Variants in PRMT3 observed in about 807,000 individuals in gnomAD.
PRMT3 encodes protein arginine methyltransferase 3, also known as protein arginine N-methyltransferase 3.
Under a neutral mutation model 71.9 loss-of-function variants are expected in PRMT3, and 62 were observed. The ratio of observed to expected loss-of-function variants is 0.86; its 90% CI spans 0.70 to 1.07. The LOEUF (loss-of-function observed/expected upper bound fraction) is 1.07, where lower values mean the gene tolerates loss of function less well. Ranked by LOEUF, PRMT3 falls within the 50% of genes least tolerant of loss-of-function variation. PRMT3 has a pLI of 0.00. For missense variants in PRMT3, 663 were observed against 643.0 expected (o/e 1.03, Z -0.34); for synonymous variants, 213 against 220.4 (o/e 0.97, Z 0.30).
At chr11:20,505,010 G>A (rs1475737178) in intron 15 of PRMT3, among the ~76,000 whole-genome samples, 1 of 152,234 alleles carries the variant, frequency 6.6e-6, no homozygotes, top group Non-Finnish European at 1.5e-5. Context: ...TGGTATTACA[G>A]GCATGAGCCA....
intron 13 of PRMT3, among the ~76,000 whole-genome samples, chr11:20,480,017 G>A (rs927736553): frequency 6.6e-6 from 1 of 152,122 alleles, no homozygotes; most frequent in Non-Finnish European, 1.5e-5. Context: ...TGAATTTCAT[G>A]AACAGTTGAT....
At chr11:20,470,998 CT>C (rs1236238540) in intron 13 of PRMT3, among the ~76,000 whole-genome samples, 1 of 151,948 alleles carries the variant, frequency 6.6e-6, no homozygotes, top group Non-Finnish European at 1.5e-5. Context: ...TAATGTTGAG[CT>C]TTTTTTCCAT....
intron 13 of PRMT3, among the ~76,000 whole-genome samples, chr11:20,480,619 C>G (rs1850908382): frequency 2.0e-5 from 3 of 152,160 alleles, no homozygotes; most frequent in South Asian, 4.1e-4. Flanking sequence ...GAGGAGACCA[C>G]CAGAGTGGAT....
At chr11:20,482,165 C>A (rs1025617523) in intron 13 of PRMT3, among the ~76,000 whole-genome samples, 1 of 151,932 alleles carries the variant, frequency 6.6e-6, no homozygotes, top group African/African-American at 2.4e-5. Context: ...GAAAGCCATG[C>A]TGAAAAATAA....
chr11:20,403,421 A>C (rs911934691), intron 8 of PRMT3, among the ~76,000 whole-genome samples: 4 of 152,164 alleles, frequency 2.6e-5, no homozygotes, highest in African/African-American at 9.7e-5. Context: ...ATGGTAGTAT[A>C]GTATTTAGTT....
At chr11:20,417,214 A>T (rs1302215159) in intron 9 of PRMT3, among the ~76,000 whole-genome samples, 1 of 152,170 alleles carries the variant, frequency 6.6e-6, no homozygotes, top group East Asian at 1.9e-4. Flanking sequence ...CAAAATCTCC[A>T]TGCATTTATC....
At chr11:20,456,978 A>G (rs1014580161) in intron 11 of PRMT3, among the ~76,000 whole-genome samples, 4 of 151,958 alleles carry the variant, frequency 2.6e-5, no homozygotes, top group Admixed American at 2.0e-4. Flanking sequence ...GGTGTAAGCA[A>G]TTCTCCTGCC....
chr11:20,404,294 C>A (rs529303113), intron 8 of PRMT3, among the ~76,000 whole-genome samples: 1 of 131,698 alleles, frequency 7.6e-6, no homozygotes, highest in Non-Finnish European at 1.5e-5. Flanking sequence ...AGTGCACTGG[C>A]GCGATCTCCG....
chr11:20,420,182 A>G (rs917308812), intron 9 of PRMT3, among the ~76,000 whole-genome samples: 33 of 152,180 alleles, frequency 2.2e-4, no homozygotes, highest in Non-Finnish European at 4.9e-4. Context: ...AAAAAAAGAA[A>G]AGGAAAACTG....
intron 15 of PRMT3, among the ~76,000 whole-genome samples, chr11:20,495,716 T>G (rs1365881900): frequency 6.6e-6 from 1 of 152,168 alleles, no homozygotes; most frequent in Admixed American, 6.5e-5. Flanking sequence ...AGTTAGAATT[T>G]GATTATGGAA....
At chr11:20,446,415 A>G (rs1315741012) in intron 10 of PRMT3, among the ~76,000 whole-genome samples, 2 of 151,336 alleles carry the variant, frequency 1.3e-5, no homozygotes, top group Non-Finnish European at 2.9e-5. Context: ...AAACGTGTAT[A>G]TGTGTGTGGC....
intron 10 of PRMT3, among the ~76,000 whole-genome samples, chr11:20,436,703 T>G (rs972655682): frequency 2.0e-5 from 3 of 152,094 alleles, no homozygotes; most frequent in African/African-American, 7.2e-5. Flanking sequence ...TAAGGACTTT[T>G]ACATCTGTGT....
At chr11:20,389,850 C>T in intron 3 of PRMT3, 24 bp downstream of exon 3, 1 of 1,569,738 alleles carries the variant, frequency 6.4e-7, no homozygotes, top group Admixed American at 1.7e-5. Context: ...AGAATAAAGG[C>T]AATTTAATTT....
chr11:20,498,289 G>A (rs570863937), intron 15 of PRMT3, among the ~76,000 whole-genome samples: 5 of 152,274 alleles, frequency 3.3e-5, no homozygotes, highest in East Asian at 3.9e-4. Context: ...GCTACACATC[G>A]AAGAAACTCA....
At chr11:20,426,965 A>G in intron 10 of PRMT3, 100 bp downstream of exon 10, 1 of 1,400,948 alleles carries the variant, frequency 7.1e-7, no homozygotes, top group Non-Finnish European at 9.3e-7. Context: ...ACATGGCAGA[A>G]TGGTGACATT....
chr11:20,458,627 G>A (rs1159877603), intron 11 of PRMT3, among the ~76,000 whole-genome samples: 1 of 152,170 alleles, frequency 6.6e-6, no homozygotes, highest in African/African-American at 2.4e-5. Flanking sequence ...GGTGGTCCAA[G>A]ATTTTAGCCA....
rs185485421 is a variant in PRMT3 at position 20,437,163 on chromosome 11, T to C, written c.993+10298T>C. 2.4e-3 allele frequency among the ~76,000 whole-genome samples: 359 copies of C among 152,264 alleles called. 1 individual carries two copies. The highest frequency in any genetic ancestry group is 4.2e-3 in the Non-Finnish European group (283 of 68,024). On this transcript the variant is annotated intron_variant, in intron 10 of 15. Transcript: ENST00000331079. ...TATTTTGGTGTTTTCTCTTTTTTTT[T>C]CTTGGTTAGTCTAGCTAATGGTGTG...
chr11:20,407,334 G>A (rs1268453726), intron 8 of PRMT3: 1 of 152,176 alleles, frequency 6.6e-6, no homozygotes, highest in African/African-American at 2.4e-5. Context: ...AGTATTTCAA[G>A]TTGAGGTACT....
intron 9 of PRMT3, among the ~76,000 whole-genome samples, chr11:20,414,893 C>T (rs1420506087): frequency 6.6e-6 from 1 of 151,966 alleles, no homozygotes; most frequent in Admixed American, 6.6e-5. Flanking sequence ...GAGCTTTATC[C>T]TCATCTTTTT....
Sources: gnomAD v4.1 joint callset for allele counts (sites outside exome capture counted in the v4.1 genomes callset) on GRCh38, gnomAD v4.1.1 for gene constraint, MANE v1.5 for transcripts, NCBI Gene and HGNC (gene_info 2026-07-23, HGNC 2026-07-21) for gene names.